RASEF: variants seen among roughly 807,000 people sequenced by gnomAD.
RASEF encodes the protein RAS and EF-hand domain containing, also known as ras and EF-hand domain-containing protein.
In RASEF, 68 loss-of-function variants were observed where a neutral mutation model predicts 90.1. The ratio of observed to expected loss-of-function variants is 0.75; its 90% CI spans 0.62 to 0.92. RASEF has a LOEUF of 0.92. Among genes scored for constraint, RASEF ranks in the 40% least tolerant of loss-of-function variants. The pLI is 0.00. For missense variants in RASEF, 949 were observed against 937.2 expected, an observed-to-expected ratio of 1.01 and a Z score of -0.16; for synonymous variants, 331 against 345.2, an observed-to-expected ratio of 0.96 and a Z score of 0.46.
chr9:83,028,295 G>A (rs1587506504), intron 1 of RASEF, among the ~76,000 whole-genome samples: 1 of 152,294 alleles, frequency 6.6e-6, no homozygotes, highest in Admixed American at 6.5e-5. Context: ...CCCTGACAAT[G>A]CACAACAACT....
At chr9:83,153,455 TAAG>T in the RASEF span, among the ~76,000 whole-genome samples, 1 of 152,240 alleles carries the variant, frequency 6.6e-6, no homozygotes, top group Non-Finnish European at 1.5e-5. Context: ...TCGCTGAGTT[TAAG>T]AAGACCTTCT....
At chr9:83,055,492 A>T in intron 1 of RASEF, 1 of 681,720 alleles carries the variant, frequency 1.5e-6, no homozygotes, top group Non-Finnish European at 2.7e-6. Flanking sequence ...GAAATGCAGA[A>T]ATCACCCGTC....
chr9:83,019,071 G>C (rs1222231767), intron 3 of RASEF, among the ~76,000 whole-genome samples: 1 of 151,936 alleles, frequency 6.6e-6, no homozygotes, highest in Admixed American at 6.6e-5. Flanking sequence ...AAAATCTTGA[G>C]TTAAAGATTT....
the RASEF span, among the ~76,000 whole-genome samples, chr9:83,100,950 A>G: frequency 6.6e-6 from 1 of 152,314 alleles, no homozygotes; most frequent in Admixed American, 6.5e-5. Flanking sequence ...TTGGTCAACT[A>G]TTAGGTATAT....
At chr9:83,059,493 T>C (rs1031216619) in intron 1 of RASEF, among the ~76,000 whole-genome samples, 1 of 152,216 alleles carries the variant, frequency 6.6e-6, no homozygotes, top group Admixed American at 6.5e-5. Context: ...TCTATTCATT[T>C]GGCAAACATT....
At chr9:83,123,605 A>G in the RASEF span, among the ~76,000 whole-genome samples, 2 of 152,236 alleles carry the variant, frequency 1.3e-5, no homozygotes, top group Admixed American at 1.3e-4. Flanking sequence ...ACCCTCCAAC[A>G]GATGCTTCCC....
intron 1 of RASEF, among the ~76,000 whole-genome samples, chr9:83,032,672 G>A (rs1829668684): frequency 6.6e-6 from 1 of 152,238 alleles, no homozygotes; most frequent in South Asian, 2.1e-4. Flanking sequence ...GCTAATTACT[G>A]ATGAAAACTT....
the RASEF span, among the ~76,000 whole-genome samples, chr9:83,161,390 C>T: frequency 1.3e-5 from 2 of 151,618 alleles, no homozygotes; most frequent in Non-Finnish European, 2.9e-5. Context: ...AATTGCCCTG[C>T]TGGGTTTCAG....
chr9:83,204,841 A>G, the RASEF span, among the ~76,000 whole-genome samples: 2 of 152,246 alleles, frequency 1.3e-5, no homozygotes, highest in African/African-American at 4.8e-5. Context: ...ATAAGTTGCT[A>G]TGTACCAAAT....
chr9:82,980,512 G>T lies in RASEF; in HGVS notation c.*2165C>A, dbSNP rs975353313. 1.3e-5 allele frequency: 2 copies of T among 152,138 alleles called. No individual in the cohort carries two copies. Among genetic ancestry groups the T allele is most frequent in the African/African-American group, 4.8e-5 (2 of 41,426 alleles). The allele number at this position is 152,138 out of a possible 1,614,324, so 9.4% of individuals were successfully genotyped here. A position where few individuals can be genotyped will look rare whatever the true frequency, so the allele number is the denominator to read the frequency against. ...GCTATACTGACAGGACAATCCAGAG[G>T]TAAAGACTATGAAAATACTTCTGTA... On this transcript the variant is annotated 3_prime_UTR_variant, in exon 17 of 17. Coordinates refer to ENST00000376447, the MANE Select transcript of RASEF (RefSeq NM_152573.4).
chr9:83,007,374 T>C (rs1049607735), intron 7 of RASEF, 63 bp downstream of exon 7: 1 of 1,295,290 alleles, frequency 7.7e-7, no homozygotes, highest in African/African-American at 1.5e-5. Flanking sequence ...ATGTGTTATG[T>C]CTTTTATTAA....
chr9:83,036,760 G>A (rs962103958), intron 1 of RASEF, among the ~76,000 whole-genome samples: 1 of 152,140 alleles, frequency 6.6e-6, no homozygotes, highest in African/African-American at 2.4e-5. Flanking sequence ...ATGGACTTTA[G>A]TTAATAATAG....
chr9:83,095,912 T>C, the RASEF span, among the ~76,000 whole-genome samples: 51 of 152,282 alleles, frequency 3.3e-4, no homozygotes, highest in African/African-American at 1.2e-3. Context: ...CTTTTGCTTA[T>C]CCCTGTAGAG....
chr9:83,126,249 A>G, the RASEF span, among the ~76,000 whole-genome samples: 1 of 152,118 alleles, frequency 6.6e-6, no homozygotes, highest in Non-Finnish European at 1.5e-5. Context: ...TGAAGTCCTT[A>G]TGATAGGATT....
intron 1 of RASEF, among the ~76,000 whole-genome samples, chr9:83,032,769 G>A (rs62561901): frequency 1.3e-5 from 2 of 152,228 alleles, no homozygotes; most frequent in African/African-American, 2.4e-5. Context: ...GAAATTATAC[G>A]TACTTGAAGA....
At chr9:83,089,642 T>C in the RASEF span, among the ~76,000 whole-genome samples, 1 of 152,182 alleles carries the variant, frequency 6.6e-6, no homozygotes, top group Admixed American at 6.5e-5. Flanking sequence ...AAATCATTTG[T>C]TAATCTTATT....
chr9:82,989,324 C>T (rs1828771492), intron 16 of RASEF, among the ~76,000 whole-genome samples: 1 of 152,006 alleles, frequency 6.6e-6, no homozygotes, highest in South Asian at 2.1e-4. Flanking sequence ...AGTGATCCTC[C>T]AGCCTTGCCT....
the RASEF span, among the ~76,000 whole-genome samples, chr9:83,136,796 A>G: frequency 1.3e-5 from 2 of 152,058 alleles, no homozygotes; most frequent in South Asian, 4.1e-4. Flanking sequence ...CATAGTTTAC[A>G]CTTTATTTAT....
the RASEF span, among the ~76,000 whole-genome samples, chr9:83,134,180 C>T: frequency 1.3e-5 from 2 of 152,104 alleles, no homozygotes; most frequent in African/African-American, 2.4e-5. Flanking sequence ...GATCCCTCTT[C>T]TCTCCCTCCC....
Sources: gnomAD v4.1 joint callset for allele counts (sites outside exome capture counted in the v4.1 genomes callset) on GRCh38, gnomAD v4.1.1 for gene constraint, MANE v1.5 for transcripts, NCBI Gene and HGNC (gene_info 2026-07-23, HGNC 2026-07-21) for gene names.